The following RSBN1L variants were observed in gnomAD, a reference collection of about 807,000 sequenced individuals.
RSBN1L encodes round spermatid basic protein 1 like, also known as lysine-specific demethylase RSBN1L.
In RSBN1L, 30 loss-of-function variants were observed where a neutral mutation model predicts 67.7. The observed-to-expected ratio is 0.44, with a 90% confidence interval of 0.33 to 0.60. The LOEUF (loss-of-function observed/expected upper bound fraction) is 0.60, where lower values mean the gene tolerates loss of function less well. Among genes scored for constraint, RSBN1L ranks in the 20% least tolerant of loss-of-function variants. The pLI, the probability that RSBN1L is intolerant of heterozygous loss-of-function variation, is 0.02. For missense variants in RSBN1L, 992 were observed against 1,031.7 expected, an observed-to-expected ratio of 0.96 and a Z score of 0.53; for synonymous variants, 433 against 387.0, an observed-to-expected ratio of 1.12 and a Z score of -1.39.
chr7:77,749,812 C>T lies in RSBN1L; in HGVS notation c.1092C>T (p.Ala364=), dbSNP rs753327846. The T allele has an allele frequency of 6.8e-6, 11 of 1,614,032 alleles. No individual in the cohort carries two copies. The East Asian group carries it at 2.2e-4, about 33-fold the overall frequency. Residue 364 remains alanine, a synonymous_variant, in exon 3 of 8, where the codon GCC becomes GCT. Transcript: ENST00000334955. ...QPNGGASVIH[A]YSNELSHLSP... ...ATGGAGGTGCATCGGTTATCCATGC[C>T]TACAGTAACGAACTCTCCCACCTGT... is the stretch of plus-strand genomic sequence containing the variant.
At chr7:77,747,662 C>G (rs1791502399) in intron 2 of RSBN1L, among the ~76,000 whole-genome samples, 1 of 152,202 alleles carries the variant, frequency 6.6e-6, no homozygotes, top group Non-Finnish European at 1.5e-5. Context: ...CCTGGATGTT[C>G]AGGCAGAAGC....
At chr7:77,705,699 A>G (rs898598017) in intron 1 of RSBN1L, among the ~76,000 whole-genome samples, 2 of 149,960 alleles carry the variant, frequency 1.3e-5, no homozygotes, top group Non-Finnish European at 3.0e-5. Flanking sequence ...TTTAGTAGAG[A>G]CAGGGTTTCA....
intron 2 of RSBN1L, among the ~76,000 whole-genome samples, chr7:77,746,742 G>A (rs371867626): frequency 6.6e-6 from 1 of 152,134 alleles, no homozygotes; most frequent in Non-Finnish European, 1.5e-5. Context: ...ACATAGAGGG[G>A]GGTGGGTATA....
chr7:77,739,739 CTTTT>C (rs1173154183), intron 2 of RSBN1L, among the ~76,000 whole-genome samples: 2 of 42,686 alleles, frequency 4.7e-5, no homozygotes, highest in African/African-American at 9.5e-5. Flanking sequence ...AAAAATGTGT[CTTTT>C]TTTTTTTTTT....
At position 77,749,970 on chromosome 7, in the gene RSBN1L, A is replaced by G. The variant is rs1489566400; in HGVS notation, c.1250A>G (p.Tyr417Cys). 6.2e-7 allele frequency: 1 copy of G among 1,613,840 alleles called. No homozygotes were observed. ...AATYLPDFLD[Y>C]FSFNFPNSPV... The stretch of plus-strand genomic sequence containing the variant: ...ACTTATTTACCTGACTTTTTAGACT[A>G]TTTTTCATTTAATTTTCCCAATTCA... The change falls in exon 3 of 8, where the codon TAT (tyrosine) becomes TGT (cysteine). Residue 417 changes from tyrosine (Y) to cysteine (C), a missense_variant. Tyr to Cys is a radical substitution (Grantham distance 194, BLOSUM62 -2). Coordinates refer to ENST00000334955, the MANE Select transcript of RSBN1L (RefSeq NM_198467.3).
rs1434390359 is a variant in RSBN1L, at chr7:77,780,415, G to C, written c.*1247G>C. On this transcript the variant is annotated 3_prime_UTR_variant, in exon 8 of 8. Transcript: ENST00000334955. ...AAGGCTTCTAACTAATAGTTACGTGGCCAGATTACATAGCCTACCATAGAT... is the reference window on the plus strand; with the variant it reads ...AAGGCTTCTAACTAATAGTTACGTGCCCAGATTACATAGCCTACCATAGAT... 1 of 152,068 alleles carries C rather than the reference G, an allele frequency of 6.6e-6. No individual in the cohort carries two copies. Among genetic ancestry groups the C allele is most frequent in the African/African-American group, 2.4e-5 (1 of 41,406 alleles). The allele number at this position is 152,068 out of a possible 1,614,324, so 9.4% of individuals were successfully genotyped here.
At chr7:77,727,035 C>G (rs1000970792) in intron 1 of RSBN1L, among the ~76,000 whole-genome samples, 3 of 151,548 alleles carry the variant, frequency 2.0e-5, no homozygotes, top group African/African-American at 7.3e-5. Flanking sequence ...CCCGCCTTGG[C>G]CTCCCAAAGT....
chr7:77,718,031 G>A (rs1791070780), intron 1 of RSBN1L, among the ~76,000 whole-genome samples: 1 of 152,118 alleles, frequency 6.6e-6, no homozygotes, highest in Non-Finnish European at 1.5e-5. Context: ...AAAAGAAAGG[G>A]AGAAGAGATG....
rs763155853 is a variant in RSBN1L at position 77,749,927 on chromosome 7, A to G, written c.1207A>G (p.Ile403Val). ...CTCTGCAGCTTTCTACGTGATGGGT[A>G]TTGTTCATGGGGCAGCTACTTATTT... ...ENSAAFYVMG[I>V]VHGAATYLPD... The change falls in exon 3 of 8, where the codon ATT becomes GTT. Residue 403 changes from isoleucine to valine, a missense_variant. Coordinates refer to ENST00000334955, the MANE Select transcript of RSBN1L (RefSeq NM_198467.3). 7.4e-6 allele frequency: 12 copies of G among 1,613,962 alleles called. No individual in the cohort carries two copies. The highest frequency in any genetic ancestry group is 1.7e-5 in the Admixed American group (1 of 59,992).
intron 2 of RSBN1L, among the ~76,000 whole-genome samples, chr7:77,740,831 C>G (rs1791398801): frequency 6.6e-6 from 1 of 151,972 alleles, no homozygotes; most frequent in Admixed American, 6.6e-5. Flanking sequence ...ACCTGCATCT[C>G]TGTTTCTGAT....
intron 1 of RSBN1L, among the ~76,000 whole-genome samples, chr7:77,713,264 G>C (rs1017684093): frequency 1.3e-5 from 2 of 151,878 alleles, no homozygotes; most frequent in African/African-American, 4.8e-5. Flanking sequence ...ATTATTTAAG[G>C]GGGTGTACTT....
rs1333393360 is a variant in RSBN1L at position 77,736,538 on chromosome 7, T to G, written c.703+12T>G. ...GATTTTGCTGAAAAGTAAGTTTTAT[T>G]CAGTGATTTTAGTTCTACTTTATTA... is the stretch of plus-strand genomic sequence containing the variant. On this transcript the variant is annotated intron_variant, in intron 2 of 7. Transcript: ENST00000334955. 1 of 1,286,992 alleles carries G rather than the reference T, an allele frequency of 7.8e-7. No homozygotes were observed. Among genetic ancestry groups the G allele is most frequent in the African/African-American group, 1.6e-5 (1 of 64,362 alleles). The allele number at this position is 1,286,992 out of a possible 1,614,324, so 79.7% of individuals were successfully genotyped here.
At chr7:77,730,881 A>T (rs1291349284) in intron 1 of RSBN1L, among the ~76,000 whole-genome samples, 1 of 152,238 alleles carries the variant, frequency 6.6e-6, no homozygotes, top group African/African-American at 2.4e-5. Context: ...GCTCCTTTAG[A>T]TAAATACCAT....
intron 3 of RSBN1L, 64 bp from the exon 4 acceptor site, chr7:77,765,431 T>A: frequency 7.8e-7 from 1 of 1,276,106 alleles, no homozygotes. Context: ...AACTTTTAAT[T>A]AAATCCATAT....
intron 4 of RSBN1L, among the ~76,000 whole-genome samples, chr7:77,767,002 C>CTCCTT (rs559317016): frequency 6.6e-6 from 1 of 151,438 alleles, no homozygotes; most frequent in Non-Finnish European, 1.5e-5. Flanking sequence ...TGCATTATTT[C>CTCCTT]TCCTTTCCTT....
intron 1 of RSBN1L, among the ~76,000 whole-genome samples, chr7:77,713,306 G>A (rs1055448927): frequency 3.3e-5 from 5 of 150,814 alleles, no homozygotes; most frequent in South Asian, 2.1e-4. Context: ...CTGTTTTTAT[G>A]TACTCAAATT....
intron 1 of RSBN1L, among the ~76,000 whole-genome samples, chr7:77,714,920 A>C (rs1158331476): frequency 6.8e-6 from 1 of 147,330 alleles, no homozygotes; most frequent in East Asian, 2.0e-4. Flanking sequence ...CTGAGATGGC[A>C]CTACTGCACT....
At chr7:77,705,241 ATACCT>A (rs1790875169) in intron 1 of RSBN1L, among the ~76,000 whole-genome samples, 1 of 152,184 alleles carries the variant, frequency 6.6e-6, no homozygotes, top group African/African-American at 2.4e-5. Flanking sequence ...CCAGTCCAGC[ATACCT>A]GTTATCATGC....
chr7:77,776,728 T>G (rs917400388), intron 6 of RSBN1L, among the ~76,000 whole-genome samples: 4 of 115,824 alleles, frequency 3.5e-5, no homozygotes, highest in South Asian at 2.4e-4. Flanking sequence ...CAATTCAGCC[T>G]TCTTCTTATT....
Sources: allele counts gnomAD v4.1 joint callset (sites outside exome capture counted in the v4.1 genomes callset), GRCh38; gene constraint gnomAD v4.1.1; transcripts MANE v1.5; gene names NCBI Gene and HGNC (gene_info 2026-07-23, HGNC 2026-07-21).